Variants in AADAC observed in about 807,000 individuals in gnomAD.
The protein encoded by AADAC is arylacetamide deacetylase.
In AADAC, 17 loss-of-function variants were observed where a neutral mutation model predicts 22.7. That is an observed-to-expected ratio of 0.75 (90% CI 0.51 to 1.12). The LOEUF is 1.12. AADAC is among the 50% of genes most tolerant of loss of function. The pLI is 0.00. For missense variants in AADAC, 465 were observed against 473.9 expected, an observed-to-expected ratio of 0.98 and a Z score of 0.17; for synonymous variants, 167 against 176.3, an observed-to-expected ratio of 0.95 and a Z score of 0.42.
chr3:151,814,883 C>T (rs1225729943), intron 1 of AADAC, among the ~76,000 whole-genome samples: 1 of 151,870 alleles, frequency 6.6e-6, no homozygotes, highest in African/African-American at 2.4e-5. Context: ...AAAGGTGTAG[C>T]TCTCTCTGGA....
In AADAC at chr3:151,820,363, C is replaced by A. The variant is rs920805143; in HGVS notation, c.362-20C>A. ...ATTTGTCTGTTTTACTAATATGTTG[C>A]TTTTATCCTTTTATTTCAGCTCTAA... On this transcript the variant is annotated intron_variant, in intron 2 of 4. Coordinates refer to ENST00000232892, the MANE Select transcript of AADAC (RefSeq NM_001086.3). The A allele has an allele frequency of 1.2e-5, 19 of 1,550,310 alleles. No homozygotes were observed. Among genetic ancestry groups the A allele is most frequent in the Non-Finnish European group, 1.7e-5 (19 of 1,141,784 alleles).
rs763174097 is a variant in AADAC, at chr3:151,820,435, T to C, written c.414T>C (p.Ala138=). The change falls in exon 3 of 5, where the codon GCT becomes GCC. Residue 138 remains alanine, a synonymous_variant. Transcript: ENST00000232892. ...GATGGACAGCAGACAGACTTGATGC[T>C]GTCGTCGTATCAACCAAGTAAGAGC... ...LSRWTADRLD[A]VVVSTNYRLA... The C allele has an allele frequency of 1.9e-6, 3 of 1,587,938 alleles. No homozygotes were observed. The Admixed American group carries it at 5.2e-5, about 28-fold the overall frequency.
intron 3 of AADAC, among the ~76,000 whole-genome samples, 174 bp from the exon 4 acceptor site, chr3:151,824,489 T>G (rs1468798612): frequency 1.3e-5 from 2 of 152,030 alleles, no homozygotes; most frequent in Non-Finnish European, 2.9e-5. Flanking sequence ...GTGCTGGTTA[T>G]ATGGCTGTGT....
At chr3:151,825,877 T>C (rs1000995062) in intron 4 of AADAC, among the ~76,000 whole-genome samples, 2 of 151,906 alleles carry the variant, frequency 1.3e-5, no homozygotes, top group Admixed American at 1.3e-4. Flanking sequence ...CTACCTAAGA[T>C]CTTCTCTCTA....
chr3:151,826,445 T>A (rs1362026125), intron 4 of AADAC, among the ~76,000 whole-genome samples: 2 of 151,930 alleles, frequency 1.3e-5, no homozygotes, highest in African/African-American at 4.8e-5. Flanking sequence ...TGGCAACTTG[T>A]AACAATCTTT....
chr3:151,819,660 A>C (rs891437457), intron 2 of AADAC, among the ~76,000 whole-genome samples: 5 of 152,000 alleles, frequency 3.3e-5, no homozygotes, highest in African/African-American at 1.2e-4. Flanking sequence ...ATGGGCTGGG[A>C]GTGTTGACTG....
chr3:151,820,197 T>C (rs8193028), intron 2 of AADAC, among the ~76,000 whole-genome samples, 186 bp from the exon 3 acceptor site: 24,051 of 151,904 alleles, frequency 0.16, 2,162 homozygotes, highest in Middle Eastern at 0.2. Flanking sequence ...ACTGGGAAAC[T>C]TGAATTCCAC....
At chr3:151,823,080 C>A (rs1006906789) in intron 3 of AADAC, among the ~76,000 whole-genome samples, 1 of 151,796 alleles carries the variant, frequency 6.6e-6, no homozygotes, top group African/African-American at 2.4e-5. Flanking sequence ...GAGTTTGAGA[C>A]CAGCCTGGCC....
intron 2 of AADAC, among the ~76,000 whole-genome samples, 192 bp from the exon 3 acceptor site, chr3:151,820,191 G>C (rs1223993421): frequency 6.6e-6 from 1 of 151,888 alleles, no homozygotes; most frequent in Admixed American, 6.6e-5. Context: ...AGGTTCACTG[G>C]GAAACTTGAA....
chr3:151,825,129 T>C (rs1304000647), intron 4 of AADAC, among the ~76,000 whole-genome samples: 2 of 150,296 alleles, frequency 1.3e-5, no homozygotes, highest in Admixed American at 6.7e-5. Context: ...CCCAGCGCTC[T>C]GGGAGGCCAA....
At chr3:151,817,681 C>T in intron 2 of AADAC, 93 bp downstream of exon 2, 3 of 1,064,862 alleles carry the variant, frequency 2.8e-6, no homozygotes, top group Non-Finnish European at 4.2e-6. Context: ...TCGGCATGGA[C>T]ATTACTGCCT....
chr3:151,827,708 A>C lies in AADAC; in HGVS notation c.736A>C (p.Met246Leu). The change falls in exon 5 of 5, where the codon ATG becomes CTG. Residue 246 changes from methionine (M) to leucine (L), a missense_variant. By Grantham distance (15) the Met-to-Leu change is conservative. Transcript: ENST00000232892. ...TTTTCTATTTCTATCCAAATCACTC[A>C]TGGTCAGATTCTGGAGTGAATATTT... ...SNFLFLSKSL[M>L]VRFWSEYFTT... 3 of 1,612,948 alleles carry C rather than the reference A, an allele frequency of 1.9e-6. No homozygotes were observed. Among genetic ancestry groups the C allele is most frequent in the Non-Finnish European group, 2.5e-6 (3 of 1,179,222 alleles).
At chr3:151,823,914 A>G (rs1463566999) in intron 3 of AADAC, among the ~76,000 whole-genome samples, 1 of 151,998 alleles carries the variant, frequency 6.6e-6, no homozygotes, top group Admixed American at 6.6e-5. Context: ...TTGTTTGTTT[A>G]ATTATTTATA....
Position 151,820,430 on chromosome 3 carries a change from G to T in AADAC, c.409G>T (p.Asp137Tyr). 1 of 1,585,480 alleles carries T rather than the reference G, an allele frequency of 6.3e-7. No individual in the cohort carries two copies. The highest frequency in any genetic ancestry group is 2.3e-5 in the East Asian group (1 of 43,862). The change falls in exon 3 of 5, where the codon GAT (aspartate) becomes TAT (tyrosine). Residue 137 changes from aspartate to tyrosine, a missense_variant. Asp to Tyr is a radical substitution (Grantham distance 160, BLOSUM62 -3). Transcript: ENST00000232892. ...GTCAAGATGGACAGCAGACAGACTTGATGCTGTCGTCGTATCAACCAAGTA... is the reference window on the plus strand; with the variant it reads ...GTCAAGATGGACAGCAGACAGACTTTATGCTGTCGTCGTATCAACCAAGTA... ...LLSRWTADRL[D>Y]AVVVSTNYRL...
In AADAC at chr3:151,817,531, G is replaced by A. The variant is rs1473570706; in HGVS notation, c.304G>A (p.Ala102Thr). 5 of 1,613,830 alleles carry A rather than the reference G, an allele frequency of 3.1e-6. No individual in the cohort carries two copies. The highest frequency in any genetic ancestry group is 2.2e-5 in the East Asian group (1 of 44,880). Reference protein sequence around the residue: ...RVYVPKRKSEALRRGLFYIHG... With the variant: ...RVYVPKRKSETLRRGLFYIHG... ...ATATGTGCCAAAGAGAAAGTCTGAA[G>A]CACTAAGAAGGGGGTTGTTTTACAT... is the stretch of plus-strand genomic sequence containing the variant. The change falls in exon 2 of 5, where the codon GCA (alanine) becomes ACA (threonine). Residue 102 changes from alanine (A) to threonine (T), a missense_variant. Transcript: ENST00000232892.
At chr3:151,814,330 T>C (rs1264509803) in intron 1 of AADAC, 30 bp downstream of exon 1, 1 of 1,585,358 alleles carries the variant, frequency 6.3e-7, no homozygotes, top group South Asian at 1.1e-5. Context: ...AATTCAGATG[T>C]GCATACACCA....
At chr3:151,817,712 G>C in intron 2 of AADAC, 124 bp downstream of exon 2, 1 of 841,170 alleles carries the variant, frequency 1.2e-6, no homozygotes, top group Non-Finnish European at 1.8e-6. Flanking sequence ...CTCGTGCTTT[G>C]TTCTGGCAAA....
intron 4 of AADAC, 71 bp from the exon 5 acceptor site, chr3:151,827,501 CAGAT>C (rs1560314522): frequency 1.5e-5 from 14 of 913,342 alleles, no homozygotes; most frequent in Middle Eastern, 6.5e-4. Flanking sequence ...GATAGATAGA[CAGAT>C]AGATAATCTT....
chr3:151,827,511 ATCT>A, intron 4 of AADAC, 62 bp from the exon 5 acceptor site: 2 of 978,090 alleles, frequency 2.0e-6, no homozygotes, highest in Non-Finnish European at 3.0e-6. Context: ...CAGATAGATA[ATCT>A]TATTAGGGAT....
Sources: allele counts gnomAD v4.1 joint callset (sites outside exome capture counted in the v4.1 genomes callset), GRCh38; gene constraint gnomAD v4.1.1; transcripts MANE v1.5; gene names NCBI Gene and HGNC (gene_info 2026-07-23, HGNC 2026-07-21).